PXN: variants seen among roughly 807,000 people sequenced by gnomAD.
PXN encodes testicular tissue protein Li 134.
A neutral mutation model predicts 103.6 loss-of-function variants in PXN; 61 were observed. The ratio of observed to expected loss-of-function variants is 0.59; its 90% CI spans 0.48 to 0.73. PXN has a LOEUF of 0.73. Ranked by LOEUF, PXN falls within the 30% of genes least tolerant of loss-of-function variation. PXN has a pLI of 0.00. For missense variants in PXN, 1,274 were observed against 1,460.3 expected (o/e 0.87, Z 2.08); for synonymous variants, 562 against 607.8 (o/e 0.92, Z 1.11).
In PXN at chr12:120,216,607, G is replaced by A. The variant is rs553140694; in HGVS notation, c.1993-26C>T. On this transcript the variant is annotated intron_variant, in intron 8 of 14. Transcript: ENST00000637617. This position sits in a 1 kb window ranked among gnomAD's most constrained non-coding sequence, Gnocchi z 5.1. ...CTGGGGAGAAGAAAGGAGGGAGAGC[G>A]ATGAGGAAGAAATCGCCAGCTCAGC... The A allele has an allele frequency of 1.8e-4, 270 of 1,491,670 alleles. No individual in the cohort carries two copies. The highest frequency in any genetic ancestry group is 2.2e-4 in the Non-Finnish European group (248 of 1,135,800). The allele number at this position is 1,491,670 out of a possible 1,614,324, so 92.4% of individuals were successfully genotyped here. A position where few individuals can be genotyped will look rare whatever the true frequency, so the allele number is the denominator to read the frequency against.
At position 120,225,345 on chromosome 12, in the gene PXN, TC is replaced by T. The variant is rs1886576678; in HGVS notation, c.14-969del. ...CGTTCACAACTTGCTTGCTCTCAGC[TC>T]CCCGGTAACCTGCTGGGTCCAGGGA... On this transcript the variant is annotated intron_variant, in intron 1 of 14. Coordinates refer to ENST00000637617, the MANE Select transcript of PXN (RefSeq NM_001385981.1). This position sits in a 1 kb window ranked among gnomAD's most constrained non-coding sequence, Gnocchi z 4.4. 6.5e-6 allele frequency: 1 copy of T among 152,862 alleles called. No individual in the cohort carries two copies. Among genetic ancestry groups the T allele is most frequent in the Non-Finnish European group, 1.5e-5 (1 of 68,580 alleles). 9.5% of individuals were successfully genotyped at this position (152,862 alleles called of 1,614,324 possible).
At chr12:120,263,076 C>G (rs1245086043) in intron 1 of PXN, among the ~76,000 whole-genome samples, 1 of 152,146 alleles carries the variant, frequency 6.6e-6, no homozygotes, top group African/African-American at 2.4e-5. Flanking sequence ...ACCGGACACA[C>G]CATAAACTCT....
Position 120,221,850 on chromosome 12 carries a change from C to A in PXN, c.696-92G>T. On this transcript the variant is annotated intron_variant, in intron 5 of 14. Transcript: ENST00000637617. This position sits in a 1 kb window ranked among gnomAD's most constrained non-coding sequence, Gnocchi z 6.6. ...GACCTCTCACCTCGGACACTGGGGT[C>A]TCACCATCCCCAACCCCAGGGAGGT... 6.9e-7 allele frequency: 1 copy of A among 1,459,586 alleles called. No individual in the cohort carries two copies. Among genetic ancestry groups the A allele is most frequent in the South Asian group, 1.4e-5 (1 of 72,794 alleles). 90.4% of individuals were successfully genotyped at this position (1,459,586 alleles called of 1,614,324 possible). A position where few individuals can be genotyped will look rare whatever the true frequency, so the allele number is the denominator to read the frequency against.
chr12:120,258,706 C>T (rs368494339), intron 1 of PXN, among the ~76,000 whole-genome samples: 12 of 152,260 alleles, frequency 7.9e-5, no homozygotes, highest in African/African-American at 2.2e-4. Context: ...TTTGTGTAAA[C>T]GCATGGCCCT....
At chr12:120,259,323 C>T (rs1159555281) in intron 1 of PXN, among the ~76,000 whole-genome samples, 4 of 151,984 alleles carry the variant, frequency 2.6e-5, no homozygotes, top group African/African-American at 9.7e-5. Context: ...GCCCAGGAGG[C>T]GGAGGTTGCA....
At chr12:120,245,598 T>C (rs996710899) in intron 1 of PXN, among the ~76,000 whole-genome samples, 1 of 151,664 alleles carries the variant, frequency 6.6e-6, no homozygotes, top group African/African-American at 2.4e-5. Context: ...CCATCCTGGC[T>C]AACACGGTGA....
At chr12:120,244,748 G>A (rs1033725668) in intron 1 of PXN, among the ~76,000 whole-genome samples, 3 of 151,828 alleles carry the variant, frequency 2.0e-5, no homozygotes, top group African/African-American at 7.3e-5. Flanking sequence ...TTTGAACCTG[G>A]GAGGCAAAGG....
intron 1 of PXN, chr12:120,247,450 A>T (rs1891360983): frequency 6.5e-6 from 1 of 153,186 alleles, no homozygotes; most frequent in Non-Finnish European, 1.5e-5. Context: ...CACCACAGCT[A>T]TGGCTTTCAA....
Position 120,217,771 on chromosome 12 carries a change from T to G in PXN, c.1717-655A>C, listed in dbSNP as rs1443871773. 6.6e-6 allele frequency among the ~76,000 whole-genome samples: 1 copy of G among 151,434 alleles called. No individual in the cohort carries two copies. Among genetic ancestry groups the G allele is most frequent in the Admixed American group, 6.6e-5 (1 of 15,224 alleles). On this transcript the variant is annotated intron_variant, in intron 7 of 14. Coordinates refer to ENST00000637617, the MANE Select transcript of PXN (RefSeq NM_001385981.1). This position sits in a 1 kb window ranked among gnomAD's most constrained non-coding sequence, Gnocchi z 4.1. ...ATTTTTGTTGTTGTTGTTTTTTGTT[T>G]TTTTTTTTAGTAGAGATGGGGTTTC...
chr12:120,236,202 C>T (rs1409821802), intron 1 of PXN, among the ~76,000 whole-genome samples: 2 of 152,252 alleles, frequency 1.3e-5, no homozygotes, highest in Non-Finnish European at 1.5e-5. Context: ...AAACACAAGC[C>T]TGAGCATAGA....
At chr12:120,253,968 C>T (rs1364949084) in intron 1 of PXN, among the ~76,000 whole-genome samples, 1 of 152,174 alleles carries the variant, frequency 6.6e-6, no homozygotes, top group East Asian at 1.9e-4. Context: ...CCAGCCTCCA[C>T]CTCTTGGGTT....
chr12:120,260,940 A>T (rs1275103106), intron 1 of PXN, among the ~76,000 whole-genome samples: 1 of 152,220 alleles, frequency 6.6e-6, no homozygotes, highest in Non-Finnish European at 1.5e-5. Flanking sequence ...TGTACAAAAC[A>T]GTTGGCTGCA....
intron 1 of PXN, among the ~76,000 whole-genome samples, chr12:120,249,004 T>C (rs1444395334): frequency 6.6e-6 from 1 of 151,922 alleles, no homozygotes; most frequent in Non-Finnish European, 1.5e-5. Flanking sequence ...AGATATGGTG[T>C]TGGGCACCTG....
Position 120,215,670 on chromosome 12 carries a change from G to C in PXN, c.2302-9C>G. 6.3e-7 allele frequency: 1 copy of C among 1,598,238 alleles called. No homozygotes were observed. The highest frequency in any genetic ancestry group is 8.5e-7 in the Non-Finnish European group (1 of 1,174,862). On this transcript the variant is annotated splice_polypyrimidine_tract_variant and intron_variant, in intron 9 of 14. Coordinates refer to ENST00000637617, the MANE Select transcript of PXN (RefSeq NM_001385981.1). This position sits in a 1 kb window ranked among gnomAD's most constrained non-coding sequence, Gnocchi z 4.9. ...TGCTCCAGGCCCTGGATCTTAGATA[G>C]GGGAAGAGATGAGGGTAAGAAATCT...
intron 1 of PXN, among the ~76,000 whole-genome samples, chr12:120,227,716 G>T (rs1887177781): frequency 6.6e-6 from 1 of 152,078 alleles, no homozygotes; most frequent in African/African-American, 2.4e-5. Flanking sequence ...GAGGGGTAGG[G>T]GTTGGTGCCT....
At position 120,219,462 on chromosome 12, in the gene PXN, T is replaced by C; in HGVS notation, c.1461A>G (p.Leu487=). 1 of 1,598,384 alleles carries C rather than the reference T, an allele frequency of 6.3e-7. No homozygotes were observed. Among genetic ancestry groups the C allele is most frequent in the Non-Finnish European group, 8.5e-7 (1 of 1,179,756 alleles). ...GCTCTGGCCTTGGCCTCTCCTGCTG[T>C]AGGCCATGTTCCTCCGTGAGAGTCC... ...DTWTLTEEHG[L]QQERPRPEPG... Residue 487 remains leucine, a synonymous_variant, in exon 7 of 15, where the codon CTA becomes CTG. Coordinates refer to ENST00000637617, the MANE Select transcript of PXN (RefSeq NM_001385981.1). This position sits in a 1 kb window ranked among gnomAD's most constrained non-coding sequence, Gnocchi z 6.5.
chr12:120,232,421 T>C (rs528845896), intron 1 of PXN, among the ~76,000 whole-genome samples: 4 of 152,334 alleles, frequency 2.6e-5, no homozygotes, highest in East Asian at 3.9e-4. Flanking sequence ...ACACATTTCA[T>C]TGGTCAGATG....
rs758281838 is a variant in PXN, at chr12:120,215,935, G to C, written c.2302-274C>G. The C allele has an allele frequency of 2.2e-6, 3 of 1,385,346 alleles. No individual in the cohort carries two copies. The highest frequency in any genetic ancestry group is 1.9e-6 in the Non-Finnish European group (2 of 1,070,690). 85.8% of individuals were successfully genotyped at this position (1,385,346 alleles called of 1,614,324 possible). A position where few individuals can be genotyped will look rare whatever the true frequency, so the allele number is the denominator to read the frequency against. ...GCTCAGTGATGAGGCCTCACCGGGC[G>C]CTGGGCCTGGGGGCTGGAAGGGAGG... On this transcript the variant is annotated intron_variant, in intron 9 of 14. Transcript: ENST00000637617. The surrounding 1 kb of genome is among the most constrained non-coding windows in gnomAD (Gnocchi z 4.9).
At chr12:120,241,384 G>A (rs1239746833) in intron 1 of PXN, among the ~76,000 whole-genome samples, 1 of 152,202 alleles carries the variant, frequency 6.6e-6, no homozygotes, top group Non-Finnish European at 1.5e-5. Flanking sequence ...AAACAGATGT[G>A]GCCTCGCTTG....
Sources: gnomAD v4.1 joint callset for allele counts (sites outside exome capture counted in the v4.1 genomes callset) on GRCh38, gnomAD v4.1.1 for gene constraint, Gnocchi (gnomAD v3.1) non-coding constraint, MANE v1.5 for transcripts, NCBI Gene and HGNC (gene_info 2026-07-23, HGNC 2026-07-21) for gene names.